KCNB2: variants seen among roughly 807,000 people sequenced by gnomAD.
The protein encoded by KCNB2 is potassium voltage-gated channel subfamily B member 2.
Under a neutral mutation model 61.5 loss-of-function variants are expected in KCNB2, and 15 were observed. That is an observed-to-expected ratio of 0.24 (90% CI 0.16 to 0.38). KCNB2 has a LOEUF of 0.38. Ranked by LOEUF, KCNB2 falls within the 10% of genes least tolerant of loss-of-function variation. The probability of loss-of-function intolerance (pLI) is 1.00; values close to 1 mark genes in which losing one functional copy is unlikely to be tolerated. For synonymous variants in KCNB2, 457 were observed against 446.0 expected, an observed-to-expected ratio of 1.02 and a Z score of -0.31; for missense variants, 828 against 1,125.2, an observed-to-expected ratio of 0.74 and a Z score of 3.78.
intron 2 of KCNB2, among the ~76,000 whole-genome samples, chr8:72,849,668 G>T (rs1212918104): frequency 6.6e-6 from 1 of 152,158 alleles, no homozygotes; most frequent in Non-Finnish European, 1.5e-5. Flanking sequence ...AAGTGAGAAA[G>T]TTAAGTGTCT....
intron 2 of KCNB2, among the ~76,000 whole-genome samples, chr8:72,593,127 G>A (rs755292033): frequency 6.6e-6 from 1 of 152,152 alleles, no homozygotes; most frequent in Non-Finnish European, 1.5e-5. Flanking sequence ...GTCAGTGGTT[G>A]TAATGTAAAT....
At chr8:72,848,155 T>C (rs1311706179) in intron 2 of KCNB2, among the ~76,000 whole-genome samples, 1 of 152,208 alleles carries the variant, frequency 6.6e-6, no homozygotes, top group African/African-American at 2.4e-5. Context: ...ATTTGGAATA[T>C]AGAAAAACAA....
intron 2 of KCNB2, among the ~76,000 whole-genome samples, chr8:72,737,063 TTTTG>T (rs1473067541): frequency 6.6e-6 from 1 of 152,084 alleles, no homozygotes; most frequent in Non-Finnish European, 1.5e-5. Flanking sequence ...TTATGGTTGT[TTTTG>T]TTTGTATTAT....
intron 2 of KCNB2, among the ~76,000 whole-genome samples, chr8:72,846,576 A>AC (rs1401287129): frequency 4.0e-4 from 61 of 151,254 alleles, no homozygotes; most frequent in Non-Finnish European, 5.5e-4. Flanking sequence ...AGAAAAAAAA[A>AC]ACCATCAAAA....
intron 2 of KCNB2, chr8:72,750,811 C>T (rs1205457108): frequency 6.6e-6 from 1 of 152,080 alleles, no homozygotes; most frequent in African/African-American, 2.4e-5. Flanking sequence ...TATACAGGGG[C>T]AATAACCACC....
chr8:72,579,312 C>A (rs936614575), intron 2 of KCNB2, among the ~76,000 whole-genome samples: 2 of 152,124 alleles, frequency 1.3e-5, no homozygotes, highest in Non-Finnish European at 2.9e-5. Flanking sequence ...GGTTGTAAAT[C>A]TTTTCATGAG....
At chr8:72,546,234 G>T (rs917995453) in intron 1 of KCNB2, among the ~76,000 whole-genome samples, 1 of 152,022 alleles carries the variant, frequency 6.6e-6, no homozygotes, top group Admixed American at 6.6e-5. Flanking sequence ...GTGCAAGGTG[G>T]GCCGGGCGCA....
chr8:72,784,814 A>T (rs1808821200), intron 2 of KCNB2, among the ~76,000 whole-genome samples: 1 of 152,110 alleles, frequency 6.6e-6, no homozygotes, highest in Non-Finnish European at 1.5e-5. Flanking sequence ...GGAGACAGGG[A>T]TCTACTGAAG....
chr8:72,861,603 GC>G (rs1158980212), intron 2 of KCNB2, among the ~76,000 whole-genome samples: 1 of 152,148 alleles, frequency 6.6e-6, no homozygotes, highest in East Asian at 1.9e-4. Context: ...GCTGGTTTTG[GC>G]ATTGACCCTT....
chr8:72,812,608 T>C (rs1167583137), intron 2 of KCNB2, among the ~76,000 whole-genome samples: 1 of 152,108 alleles, frequency 6.6e-6, no homozygotes, highest in Non-Finnish European at 1.5e-5. Context: ...AAATAGTTGC[T>C]GGATTTAGGC....
intron 2 of KCNB2, among the ~76,000 whole-genome samples, chr8:72,569,261 A>T (rs1806674571): frequency 6.6e-6 from 1 of 152,218 alleles, no homozygotes; most frequent in South Asian, 2.1e-4. Context: ...TACGGAATGG[A>T]GAAGGGAAGA....
intron 2 of KCNB2, among the ~76,000 whole-genome samples, chr8:72,587,183 C>T (rs79978609): frequency 0.031 from 4,697 of 152,144 alleles, 252 homozygotes; most frequent in African/African-American, 0.11. Context: ...GTCATCAAAG[C>T]GTGGCTGCTT....
intron 2 of KCNB2, among the ~76,000 whole-genome samples, chr8:72,897,899 A>G (rs1038201905): frequency 6.6e-6 from 1 of 152,120 alleles, no homozygotes; most frequent in Non-Finnish European, 1.5e-5. Context: ...TATGGAGGGT[A>G]CATCTTGGAG....
intron 2 of KCNB2, among the ~76,000 whole-genome samples, chr8:72,721,234 C>A: frequency 6.6e-6 from 1 of 152,208 alleles, no homozygotes; most frequent in East Asian, 1.9e-4. Context: ...CTATGACACA[C>A]GTTTCTTTAT....
At chr8:72,762,231 G>A (rs751100745) in intron 2 of KCNB2, among the ~76,000 whole-genome samples, 6 of 152,034 alleles carry the variant, frequency 3.9e-5, no homozygotes, top group South Asian at 2.1e-4. Flanking sequence ...TTCTGTGATC[G>A]ATGGGGGATG....
chr8:72,712,135 A>G (rs1053291384), intron 2 of KCNB2, among the ~76,000 whole-genome samples: 2 of 152,272 alleles, frequency 1.3e-5, no homozygotes, highest in African/African-American at 4.8e-5. Flanking sequence ...GAAAAAGCAC[A>G]TAATTGGTAA....
Position 72,726,638 on chromosome 8 carries a change from G to T in KCNB2, c.579+158325G>T, listed in dbSNP as rs78749635. On this transcript the variant is annotated intron_variant, in intron 2 of 2. Coordinates refer to ENST00000523207, the MANE Select transcript of KCNB2 (RefSeq NM_004770.3). ...AAAATACAAGGTCACATATCAAAATGTGAACAAATAATTGTTTCTAAGAGA... is the reference window on the plus strand; with the variant it reads ...AAAATACAAGGTCACATATCAAAATTTGAACAAATAATTGTTTCTAAGAGA... 7.2e-3 allele frequency among the ~76,000 whole-genome samples: 1,100 copies of T among 152,280 alleles called. 14 individuals carry two copies. Among genetic ancestry groups the T allele is most frequent in the African/African-American group, 0.025 (1,036 of 41,554 alleles).
In KCNB2 at chr8:72,594,288, G is replaced by A. The variant is rs141961877; in HGVS notation, c.579+25975G>A. Among the ~76,000 whole-genome samples, 557 of 152,208 alleles carry A rather than the reference G, an allele frequency of 3.7e-3. 2 individuals carry two copies. Among genetic ancestry groups the A allele is most frequent in the African/African-American group, 0.012 (510 of 41,528 alleles). On this transcript the variant is annotated intron_variant, in intron 2 of 2. Coordinates refer to ENST00000523207, the MANE Select transcript of KCNB2 (RefSeq NM_004770.3). ...TCTACCACAAGAAGCAAAGCAATTT[G>A]CACCCCCCTCATCCTCCTCAATCCC... is the stretch of plus-strand genomic sequence containing the variant.
intron 2 of KCNB2, among the ~76,000 whole-genome samples, chr8:72,908,316 A>G (rs961934233): frequency 6.6e-6 from 1 of 152,182 alleles, no homozygotes; most frequent in Non-Finnish European, 1.5e-5. Context: ...ATAGAACCTC[A>G]GTGTTTCCTT....
Sources: gnomAD v4.1 joint callset for allele counts (sites outside exome capture counted in the v4.1 genomes callset) on GRCh38, gnomAD v4.1.1 for gene constraint, MANE v1.5 for transcripts, NCBI Gene and HGNC (gene_info 2026-07-23, HGNC 2026-07-21) for gene names.